PACS1: variants seen among roughly 807,000 people sequenced by gnomAD.
PACS1 encodes the protein PACS-1.
PACS1 carries 24 observed loss-of-function variants against 115.0 expected under a neutral mutation model. The observed-to-expected ratio is 0.21, with a 90% CI of 0.15 to 0.29. The LOEUF is 0.29. Ranked by LOEUF, PACS1 falls within the 10% of genes least tolerant of loss-of-function variation. PACS1 has a pLI of 1.00. For missense variants in PACS1, 838 were observed against 1,251.2 expected (o/e 0.67, Z 4.98); for synonymous variants, 453 against 504.5 (o/e 0.90, Z 1.37).
intron 1 of PACS1, among the ~76,000 whole-genome samples, chr11:66,157,883 C>T (rs868866468): frequency 6.6e-6 from 1 of 151,904 alleles, no homozygotes; most frequent in Non-Finnish European, 1.5e-5. Flanking sequence ...TTAGAATTTC[C>T]TTATCCCATC....
At chr11:66,087,280 G>A (rs144508721) in intron 1 of PACS1, among the ~76,000 whole-genome samples, 2,964 of 150,520 alleles carry the variant, frequency 0.02, 118 homozygotes, top group African/African-American at 0.069. Context: ...TTGCTCTGTC[G>A]CCTAGGCTGG....
intron 1 of PACS1, among the ~76,000 whole-genome samples, chr11:66,134,323 G>A (rs1858788522): frequency 7.7e-6 from 1 of 129,792 alleles, no homozygotes. Flanking sequence ...GTGCAGTGGA[G>A]CAATCTCGCT....
chr11:66,122,445 T>C (rs970464684), intron 1 of PACS1, among the ~76,000 whole-genome samples: 1 of 152,222 alleles, frequency 6.6e-6, no homozygotes, highest in African/African-American at 2.4e-5. Context: ...TCAAGTGTTA[T>C]TAGTTAAGAA....
In PACS1 at chr11:66,195,725, A is replaced by G. The variant is rs117446272; in HGVS notation, c.444+2152A>G. Among the ~76,000 whole-genome samples, 83 of 152,352 alleles carry G rather than the reference A, an allele frequency of 5.4e-4. 2 individuals carry two copies. In the East Asian group the frequency reaches 0.015, roughly 27 times the overall value. The stretch of plus-strand genomic sequence containing the variant: ...TTCAGTCACTTATTTATGCATTCAT[A>G]TAATAAATACTTATTGAGCATCTAT... On this transcript the variant is annotated intron_variant, in intron 2 of 23. Coordinates refer to ENST00000320580, the MANE Select transcript of PACS1 (RefSeq NM_018026.4).
chr11:66,101,513 T>C (rs1857920709), intron 1 of PACS1, among the ~76,000 whole-genome samples: 1 of 152,212 alleles, frequency 6.6e-6, no homozygotes, highest in African/African-American at 2.4e-5. Flanking sequence ...CTCTGTTTTC[T>C]GATTTGGTTA....
intron 11 of PACS1, among the ~76,000 whole-genome samples, chr11:66,230,135 TAAAAAAAAAAAAAAAAAAG>T (rs1241249255): frequency 1.0e-5 from 1 of 96,920 alleles, no homozygotes; most frequent in African/African-American, 4.0e-5. Context: ...GGAATGGGGC[TAAAAAAAAAAAAAAAAAAG>T]AAAAAAAAAA....
In PACS1 at chr11:66,211,273, A is replaced by C; in HGVS notation, c.660+14A>C. ...AACATGGCAGAGGTGAGAGGAACAC[A>C]GTCTCCAGACTGTTGGCCTTTGAGT... On this transcript the variant is annotated intron_variant, in intron 4 of 23. Coordinates refer to ENST00000320580, the MANE Select transcript of PACS1 (RefSeq NM_018026.4). 1 of 1,612,942 alleles carries C rather than the reference A, an allele frequency of 6.2e-7. No homozygotes were observed. Among genetic ancestry groups the C allele is most frequent in the Middle Eastern group, 1.7e-4 (1 of 6,050 alleles).
At chr11:66,106,996 C>A (rs1419867966) in intron 1 of PACS1, among the ~76,000 whole-genome samples, 1 of 152,272 alleles carries the variant, frequency 6.6e-6, no homozygotes, top group East Asian at 1.9e-4. Flanking sequence ...AAACAAAGTA[C>A]TAAAGATTTT....
chr11:66,159,175 C>G (rs950326086), intron 1 of PACS1, among the ~76,000 whole-genome samples: 1 of 152,112 alleles, frequency 6.6e-6, no homozygotes, highest in Non-Finnish European at 1.5e-5. Flanking sequence ...TGGTGGCTCA[C>G]GCCTATAATC....
intron 1 of PACS1, among the ~76,000 whole-genome samples, chr11:66,160,552 G>A (rs1202185505): frequency 2.6e-5 from 4 of 151,752 alleles, no homozygotes; most frequent in African/African-American, 7.3e-5. Context: ...GATGGTGTAC[G>A]GTAGCCCTAA....
At chr11:66,165,991 T>G (rs1859591348) in intron 1 of PACS1, among the ~76,000 whole-genome samples, 1 of 152,122 alleles carries the variant, frequency 6.6e-6, no homozygotes, top group Non-Finnish European at 1.5e-5. Flanking sequence ...CCTTTCTTTG[T>G]CCATTATTCA....
At chr11:66,209,425 G>T (rs571097107) in intron 2 of PACS1, among the ~76,000 whole-genome samples, 1 of 152,110 alleles carries the variant, frequency 6.6e-6, no homozygotes, top group South Asian at 2.1e-4. Flanking sequence ...GGCAGGGAGG[G>T]TCTTACACAC....
At position 66,179,892 on chromosome 11, in the gene PACS1, C is replaced by T. The variant is rs184269193; in HGVS notation, c.357-13594C>T. Among the ~76,000 whole-genome samples the T allele has an allele frequency of 7.9e-4, 120 of 152,176 alleles. 1 individual carries two copies. Among genetic ancestry groups the T allele is most frequent in the Non-Finnish European group, 9.1e-4 (62 of 68,002 alleles). On this transcript the variant is annotated intron_variant, in intron 1 of 23. Transcript: ENST00000320580. ...TTTGAGACAGAGTCTCCCTCTTTTGCCCAGGCTGGAGTGCAGTGGCATGAT... is the reference window on the plus strand; with the variant it reads ...TTTGAGACAGAGTCTCCCTCTTTTGTCCAGGCTGGAGTGCAGTGGCATGAT...
chr11:66,223,162 G>A (rs562230614), intron 10 of PACS1, among the ~76,000 whole-genome samples: 1 of 151,750 alleles, frequency 6.6e-6, no homozygotes, highest in South Asian at 2.1e-4. Context: ...GAGCGATCTC[G>A]GCTCACTGCA....
chr11:66,108,443 C>T (rs1858103518), intron 1 of PACS1, among the ~76,000 whole-genome samples: 1 of 152,076 alleles, frequency 6.6e-6, no homozygotes, highest in Non-Finnish European at 1.5e-5. Flanking sequence ...GAATTTAGGG[C>T]CAGGTATGGC....
At chr11:66,138,744 G>A (rs924100504) in intron 1 of PACS1, among the ~76,000 whole-genome samples, 5 of 151,150 alleles carry the variant, frequency 3.3e-5, no homozygotes, top group Non-Finnish European at 1.5e-5. Context: ...GTGCAGTGGC[G>A]CGATCTTGGC....
At chr11:66,226,076 G>C (rs2134727563) in intron 10 of PACS1, among the ~76,000 whole-genome samples, 1 of 152,318 alleles carries the variant, frequency 6.6e-6, no homozygotes, top group Non-Finnish European at 1.5e-5. Context: ...GGAAGCTGAG[G>C]CAGGAAAATC....
At chr11:66,125,060 T>C (rs1162898063) in intron 1 of PACS1, among the ~76,000 whole-genome samples, 1 of 152,230 alleles carries the variant, frequency 6.6e-6, no homozygotes, top group East Asian at 1.9e-4. Context: ...GGCTTCCACC[T>C]TTTGTCCATT....
intron 1 of PACS1, among the ~76,000 whole-genome samples, chr11:66,115,223 A>AC (rs955404242): frequency 6.6e-6 from 1 of 151,810 alleles, no homozygotes; most frequent in Non-Finnish European, 1.5e-5. Context: ...AAAAAAAAAA[A>AC]AAAAAACTAG....
Sources: gnomAD v4.1 joint callset for allele counts (sites outside exome capture counted in the v4.1 genomes callset) on GRCh38, gnomAD v4.1.1 for gene constraint, MANE v1.5 for transcripts, NCBI Gene and HGNC (gene_info 2026-07-23, HGNC 2026-07-21) for gene names.